ANO5: variants seen among roughly 807,000 people sequenced by gnomAD.
The protein encoded by ANO5 is anoctamin-5.
Under a neutral mutation model 121.0 loss-of-function variants are expected in ANO5, and 109 were observed. The observed-to-expected ratio is 0.90, with a 90% CI of 0.77 to 1.06. ANO5 has a LOEUF of 1.06. Ranked by LOEUF, ANO5 falls within the 50% of genes least tolerant of loss-of-function variation. The probability of loss-of-function intolerance (pLI) is 0.00; values close to 1 mark genes in which losing one functional copy is unlikely to be tolerated. For missense variants in ANO5, 1,064 were observed against 1,078.5 expected (o/e 0.99, Z 0.19); for synonymous variants, 406 against 359.9 (o/e 1.13, Z -1.45).
In ANO5 at chr11:22,200,937, T is replaced by C. The variant is rs558579245; in HGVS notation, c.41-2867T>C. Among the ~76,000 whole-genome samples, 6 of 152,248 alleles carry C rather than the reference T, an allele frequency of 3.9e-5. No homozygotes were observed. In the East Asian group the frequency reaches 7.7e-4, roughly 20 times the overall value. ...GTGTGTGAGTACTGTTGTCTCTCAG[T>C]ATCCACAGGCATTGGTTTCAGGATA... On this transcript the variant is annotated intron_variant, in intron 1 of 21. Transcript: ENST00000324559.
chr11:22,199,964 A>G (rs151279443), intron 1 of ANO5, among the ~76,000 whole-genome samples: 26 of 152,250 alleles, frequency 1.7e-4, no homozygotes, highest in East Asian at 1.5e-3. Flanking sequence ...ATTAAAATCT[A>G]TTGGTCTGTC....
intron 7 of ANO5, among the ~76,000 whole-genome samples, chr11:22,231,920 A>G (rs1853054686): frequency 6.6e-6 from 1 of 151,972 alleles, no homozygotes; most frequent in Non-Finnish European, 1.5e-5. Flanking sequence ...AAAATGATAG[A>G]GGTCCATAAG....
intron 7 of ANO5, 42 bp downstream of exon 7, chr11:22,227,628 G>A (rs1426805597): frequency 2.5e-6 from 4 of 1,600,206 alleles, no homozygotes; most frequent in Non-Finnish European, 3.4e-6. Flanking sequence ...TCAAATACGA[G>A]ATGTATGCTT....
intron 5 of ANO5, 70 bp downstream of exon 5, chr11:22,221,280 G>T (rs1267066480): frequency 4.6e-6 from 6 of 1,292,702 alleles, no homozygotes; most frequent in Admixed American, 3.7e-5. Flanking sequence ...TGGATATCTG[G>T]ATTGAATTAT....
intron 21 of ANO5, among the ~76,000 whole-genome samples, chr11:22,278,838 G>A (rs1854966837): frequency 6.6e-6 from 1 of 150,638 alleles, no homozygotes; most frequent in African/African-American, 2.4e-5. Context: ...AAGGCAGAGG[G>A]GCTATGTATC....
intron 17 of ANO5, among the ~76,000 whole-genome samples, chr11:22,269,225 A>AAAGG (rs1013367963): frequency 1.6e-5 from 2 of 125,856 alleles, no homozygotes; most frequent in East Asian, 4.4e-4. Flanking sequence ...AGGAAAGAAG[A>AAAGG]AAGGAAGGAA....
At chr11:22,199,534 C>T (rs1851903933) in intron 1 of ANO5, among the ~76,000 whole-genome samples, 1 of 152,100 alleles carries the variant, frequency 6.6e-6, no homozygotes, top group Non-Finnish European at 1.5e-5. Context: ...TAAGTCTTTC[C>T]TATTTTATTA....
At chr11:22,221,697 G>A (rs568571422) in intron 5 of ANO5, among the ~76,000 whole-genome samples, 1 of 151,906 alleles carries the variant, frequency 6.6e-6, no homozygotes, top group South Asian at 2.1e-4. Context: ...TTAAGTTTAT[G>A]AGGCCAAGCA....
At chr11:22,265,324 T>C (rs1018868272) in intron 17 of ANO5, among the ~76,000 whole-genome samples, 2 of 152,122 alleles carry the variant, frequency 1.3e-5, no homozygotes, top group African/African-American at 4.8e-5. Flanking sequence ...TCAGTGAAAA[T>C]AGTGTTCCCC....
chr11:22,242,883 G>A (rs1853479778), intron 9 of ANO5, among the ~76,000 whole-genome samples: 1 of 151,994 alleles, frequency 6.6e-6, no homozygotes, highest in African/African-American at 2.4e-5. Context: ...CTATTTGGAT[G>A]CCTTTTATTT....
intron 19 of ANO5, among the ~76,000 whole-genome samples, chr11:22,273,260 A>G (rs1854696683): frequency 6.6e-6 from 1 of 152,210 alleles, no homozygotes. Flanking sequence ...AAGTAACAGT[A>G]TAATGTGTTT....
rs765749098 is a variant in ANO5, at chr11:22,236,255, A to C, written c.741A>C (p.Ser247=). The change falls in exon 8 of 22, where the codon TCA becomes TCC. Residue 247 remains serine (S), a synonymous_variant. Coordinates refer to ENST00000324559, the MANE Select transcript of ANO5 (RefSeq NM_213599.3). ...GACTGCTAAACTCTAACACTTACTC[A>C]TCTGCCTATCCACTCCATGATGTAT... ...IERLLNSNTY[S]SAYPLHDGQY... is the part of the protein sequence containing the mutation. 2 of 1,612,058 alleles carry C rather than the reference A, an allele frequency of 1.2e-6. No homozygotes were observed. Among genetic ancestry groups the C allele is most frequent in the Non-Finnish European group, 1.7e-6 (2 of 1,178,612 alleles).
Position 22,279,746 on chromosome 11 carries a change from T to C in ANO5, c.2723T>C (p.Leu908Pro). 2 of 1,612,358 alleles carry C rather than the reference T, an allele frequency of 1.2e-6. No homozygotes were observed. Among genetic ancestry groups the C allele is most frequent in the South Asian group, 2.2e-5 (2 of 91,026 alleles). The change falls in exon 22 of 22, where the codon CTG (leucine) becomes CCG (proline). Residue 908 changes from leucine (L) to proline (P), a missense_variant. Physicochemically the swap from Leu to Pro is moderately conservative, Grantham distance 98. Transcript: ENST00000324559. ...HVMIEENKAQ[L>P]AKSTL is the part of the protein sequence containing the mutation. ...ATGATTGAGGAAAACAAAGCACAGC[T>C]GGCTAAATCAACACTCTAATCAGTA...
intron 9 of ANO5, among the ~76,000 whole-genome samples, chr11:22,241,356 T>C (rs1057448827): frequency 6.6e-6 from 1 of 152,048 alleles, no homozygotes; most frequent in African/African-American, 2.4e-5. Context: ...AATGGACATA[T>C]AGGTGCGTGC....
At chr11:22,277,488 T>C (rs1854906246) in intron 21 of ANO5, among the ~76,000 whole-genome samples, 1 of 151,354 alleles carries the variant, frequency 6.6e-6, no homozygotes, top group Admixed American at 6.6e-5. Flanking sequence ...AATATTTCTG[T>C]CCATCAGAGT....
chr11:22,202,350 A>T (rs1242497302), intron 1 of ANO5, among the ~76,000 whole-genome samples: 1 of 152,096 alleles, frequency 6.6e-6, no homozygotes, highest in Non-Finnish European at 1.5e-5. Flanking sequence ...TATGTATATA[A>T]TGGGCTTAAT....
At chr11:22,266,600 A>G (rs1854374532) in intron 17 of ANO5, among the ~76,000 whole-genome samples, 1 of 151,794 alleles carries the variant, frequency 6.6e-6, no homozygotes, top group African/African-American at 2.4e-5. Flanking sequence ...CCATTTTCCT[A>G]CTTGTCAATC....
At chr11:22,234,879 A>T (rs1272744830) in intron 7 of ANO5, among the ~76,000 whole-genome samples, 2 of 152,188 alleles carry the variant, frequency 1.3e-5, no homozygotes, top group East Asian at 1.9e-4. Flanking sequence ...ACCTGACTTG[A>T]CCAAACTTTA....
intron 3 of ANO5, among the ~76,000 whole-genome samples, chr11:22,212,154 T>G (rs1343343157): frequency 6.6e-6 from 1 of 151,864 alleles, no homozygotes; most frequent in African/African-American, 2.4e-5. Context: ...ACGAAAATAT[T>G]TTACCACGAG....
Sources: gnomAD v4.1 joint callset for allele counts (sites outside exome capture counted in the v4.1 genomes callset) on GRCh38, gnomAD v4.1.1 for gene constraint, MANE v1.5 for transcripts, NCBI Gene and HGNC (gene_info 2026-07-23, HGNC 2026-07-21) for gene names.